The following TMEM267 variants were observed in gnomAD, a reference collection of about 807,000 sequenced individuals.
TMEM267 encodes transmembrane protein C5orf28.
TMEM267 carries 20 observed loss-of-function variants against 19.3 expected under a neutral mutation model. The ratio of observed to expected loss-of-function variants is 1.04; its 90% CI spans 0.73 to 1.51. The LOEUF (loss-of-function observed/expected upper bound fraction) is 1.51, where lower values mean the gene tolerates loss of function less well. Among genes scored for constraint, TMEM267 ranks in the 40% most tolerant of loss-of-function variants. TMEM267 has a pLI of 0.00. For missense variants in TMEM267, 242 were observed against 261.9 expected (o/e 0.92, Z 0.52); for synonymous variants, 88 against 90.3 (o/e 0.97, Z 0.15).
At chr5:43,464,004 G>C (rs1005265750) in intron 1 of TMEM267, among the ~76,000 whole-genome samples, 1 of 152,172 alleles carries the variant, frequency 6.6e-6, no homozygotes, top group Non-Finnish European at 1.5e-5. Flanking sequence ...AGGAAAAGAG[G>C]AAGTCAAATT....
chr5:43,447,460 T>C (rs1202909504), intron 2 of TMEM267, among the ~76,000 whole-genome samples: 1 of 152,188 alleles, frequency 6.6e-6, no homozygotes, highest in East Asian at 1.9e-4. Flanking sequence ...ATTTCAGGCT[T>C]AATCCCTGAA....
intron 1 of TMEM267, among the ~76,000 whole-genome samples, chr5:43,454,995 T>C (rs915152135): frequency 2.0e-5 from 3 of 152,182 alleles, no homozygotes; most frequent in African/African-American, 7.2e-5. Flanking sequence ...TCAACTTCTA[T>C]TACACAATAA....
At chr5:43,470,443 C>A (rs1003012791) in intron 1 of TMEM267, among the ~76,000 whole-genome samples, 1 of 152,072 alleles carries the variant, frequency 6.6e-6, no homozygotes, top group African/African-American at 2.4e-5. Context: ...TGCCTGGCCC[C>A]AACATACATC....
chr5:43,454,973 A>G (rs988499034), intron 1 of TMEM267, among the ~76,000 whole-genome samples: 1 of 152,224 alleles, frequency 6.6e-6, no homozygotes, highest in African/African-American at 2.4e-5. Context: ...TAACTGATTT[A>G]TTGATAATGA....
intron 1 of TMEM267, among the ~76,000 whole-genome samples, chr5:43,477,926 A>AT (rs1263798171): frequency 6.6e-6 from 1 of 152,134 alleles, no homozygotes; most frequent in African/African-American, 2.4e-5. Context: ...TCAATTTATT[A>AT]TTTTTTTGAC....
chr5:43,480,655 G>A (rs906523617), intron 1 of TMEM267, among the ~76,000 whole-genome samples: 1 of 151,564 alleles, frequency 6.6e-6, no homozygotes, highest in African/African-American at 2.4e-5. Context: ...CCTCATTCCA[G>A]AAGGAAGACA....
At chr5:43,481,451 T>C (rs1358526904) in intron 1 of TMEM267, among the ~76,000 whole-genome samples, 1 of 152,000 alleles carries the variant, frequency 6.6e-6, no homozygotes, top group Non-Finnish European at 1.5e-5. Context: ...AAGGATTAGT[T>C]TGCTAATAAA....
chr5:43,448,435 T>C (rs559900843), intron 2 of TMEM267, among the ~76,000 whole-genome samples: 1 of 152,224 alleles, frequency 6.6e-6, no homozygotes, highest in South Asian at 2.1e-4. Context: ...AGTGATAAAA[T>C]AGAACAAATC....
intron 1 of TMEM267, among the ~76,000 whole-genome samples, chr5:43,477,026 A>G (rs1320862897): frequency 1.5e-5 from 2 of 132,658 alleles, no homozygotes; most frequent in South Asian, 4.8e-4. Flanking sequence ...TCTGTACTAG[A>G]AAAAAAAAAA....
chr5:43,475,489 C>A (rs893335571), intron 1 of TMEM267, among the ~76,000 whole-genome samples: 10 of 152,080 alleles, frequency 6.6e-5, no homozygotes, highest in Non-Finnish European at 7.4e-5. Flanking sequence ...CAAACCTGCA[C>A]ATTCTGCACA....
intron 2 of TMEM267, 105 bp from the exon 3 acceptor site, chr5:43,446,662 G>T: frequency 1.5e-6 from 1 of 657,872 alleles, no homozygotes. Context: ...TATTGGACAT[G>T]CAAAAGAAAC....
At chr5:43,475,591 A>G (rs1744366632) in intron 1 of TMEM267, among the ~76,000 whole-genome samples, 2 of 152,188 alleles carry the variant, frequency 1.3e-5, no homozygotes, top group African/African-American at 4.8e-5. Context: ...CAATGTAATG[A>G]GGAAAAAGAA....
At chr5:43,460,560 C>A (rs1743200337) in intron 1 of TMEM267, among the ~76,000 whole-genome samples, 1 of 151,322 alleles carries the variant, frequency 6.6e-6, no homozygotes. Context: ...AAAAAAAAAA[C>A]AAAACACAGA....
At chr5:43,460,304 G>A (rs941988333) in intron 1 of TMEM267, among the ~76,000 whole-genome samples, 1 of 152,062 alleles carries the variant, frequency 6.6e-6, no homozygotes, top group African/African-American at 2.4e-5. Context: ...TGGGGGTGGG[G>A]ACTCCTGCTA....
chr5:43,463,165 A>G (rs1268893625), intron 1 of TMEM267, among the ~76,000 whole-genome samples: 5 of 152,378 alleles, frequency 3.3e-5, no homozygotes, highest in African/African-American at 9.6e-5. Context: ...AAACACCTCT[A>G]TGCAAATAAA....
At chr5:43,464,356 A>G (rs1379640160) in intron 1 of TMEM267, among the ~76,000 whole-genome samples, 1 of 152,200 alleles carries the variant, frequency 6.6e-6, no homozygotes, top group Admixed American at 6.5e-5. Context: ...GGAAGAATCA[A>G]TATCGTGAAA....
At chr5:43,480,416 C>A (rs1359947775) in intron 1 of TMEM267, among the ~76,000 whole-genome samples, 1 of 152,088 alleles carries the variant, frequency 6.6e-6, no homozygotes, top group East Asian at 1.9e-4. Context: ...TAGGCTCAAG[C>A]AATTCTCCTG....
intron 1 of TMEM267, among the ~76,000 whole-genome samples, chr5:43,463,891 G>C (rs1361630711): frequency 1.3e-5 from 2 of 152,112 alleles, no homozygotes; most frequent in South Asian, 2.1e-4. Context: ...TTGAAAACTG[G>C]CACAAGACAG....
chr5:43,472,751 A>C (rs182088362), intron 1 of TMEM267, among the ~76,000 whole-genome samples: 63 of 98,178 alleles, frequency 6.4e-4, no homozygotes, highest in African/African-American at 3.6e-3. Flanking sequence ...AAAACAATTG[A>C]ACTCGTGGAC....
Sources: gnomAD v4.1 joint callset for allele counts (sites outside exome capture counted in the v4.1 genomes callset) on GRCh38, gnomAD v4.1.1 for gene constraint, MANE v1.5 for transcripts, NCBI Gene and HGNC (gene_info 2026-07-23, HGNC 2026-07-21) for gene names.